The following HMGCLL1 variants were observed in gnomAD, a reference collection of about 807,000 sequenced individuals.
HMGCLL1 encodes 3-hydroxy-3-methylglutaryl-CoA lyase like 1, also known as 3-hydroxymethyl-3-methylglutaryl-CoA lyase, cytoplasmic.
A neutral mutation model predicts 39.1 loss-of-function variants in HMGCLL1; 36 were observed. That is an observed-to-expected ratio of 0.92 (90% CI 0.71 to 1.22). The LOEUF is 1.22. Among genes scored for constraint, HMGCLL1 ranks in the 50% most tolerant of loss-of-function variants. The pLI is 0.00. For missense variants in HMGCLL1, 451 were observed against 416.5 expected, an observed-to-expected ratio of 1.08 and a Z score of -0.72; for synonymous variants, 149 against 144.0, an observed-to-expected ratio of 1.03 and a Z score of -0.25.
the HMGCLL1 span, among the ~76,000 whole-genome samples, chr6:55,674,418 T>A: frequency 5.3e-5 from 8 of 150,034 alleles, no homozygotes; most frequent in South Asian, 6.3e-4. Flanking sequence ...GAAAAAAAAA[T>A]TTGAAAAATG....
chr6:55,629,212 G>A, the HMGCLL1 span, among the ~76,000 whole-genome samples: 14 of 152,138 alleles, frequency 9.2e-5, no homozygotes, highest in African/African-American at 3.4e-4. Flanking sequence ...AGGCAGAGGT[G>A]GTCTCAGATG....
chr6:55,553,247 A>ATGTGTGTGTGTG (rs1770461613), intron 1 of HMGCLL1, among the ~76,000 whole-genome samples: 2 of 50,034 alleles, frequency 4.0e-5, no homozygotes, highest in Admixed American at 2.4e-4. Context: ...TTACATATAT[A>ATGTGTGTGTGTG]CGTGTGTGTG....
At chr6:55,662,828 T>C in the HMGCLL1 span, among the ~76,000 whole-genome samples, 1 of 151,560 alleles carries the variant, frequency 6.6e-6, no homozygotes, top group African/African-American at 2.4e-5. Context: ...TTGTTGTTGT[T>C]GTTTTTGGTA....
At chr6:55,486,492 G>T (rs978661367) in intron 7 of HMGCLL1, among the ~76,000 whole-genome samples, 6 of 152,022 alleles carry the variant, frequency 3.9e-5, no homozygotes, top group Non-Finnish European at 8.8e-5. Context: ...ATTAAATATG[G>T]ATTATTATCA....
At chr6:55,482,073 AACTC>A (rs1765779555) in intron 7 of HMGCLL1, among the ~76,000 whole-genome samples, 2 of 152,232 alleles carry the variant, frequency 1.3e-5, no homozygotes, top group South Asian at 2.1e-4. Context: ...CACTTATATG[AACTC>A]ACTCACCTGG....
chr6:55,436,701 A>T, intron 8 of HMGCLL1, among the ~76,000 whole-genome samples: 1 of 152,042 alleles, frequency 6.6e-6, no homozygotes. Flanking sequence ...TCACTTTCAT[A>T]AAATAGACAA....
At chr6:55,484,653 C>A (rs1765919260) in intron 7 of HMGCLL1, among the ~76,000 whole-genome samples, 2 of 152,068 alleles carry the variant, frequency 1.3e-5, no homozygotes, top group African/African-American at 2.4e-5. Flanking sequence ...TGATCATTTT[C>A]TTTCCCTTTT....
intron 3 of HMGCLL1, among the ~76,000 whole-genome samples, chr6:55,525,173 A>G (rs1768253032): frequency 6.7e-6 from 1 of 150,074 alleles, no homozygotes; most frequent in East Asian, 2.0e-4. Context: ...ATGCTGGTCT[A>G]TGCGACACCC....
intron 7 of HMGCLL1, among the ~76,000 whole-genome samples, chr6:55,455,483 T>G (rs1289362672): frequency 2.0e-5 from 3 of 152,074 alleles, no homozygotes; most frequent in Non-Finnish European, 4.4e-5. Context: ...GTTAAATATA[T>G]AGAAGAAAAG....
the HMGCLL1 span, among the ~76,000 whole-genome samples, chr6:55,599,962 C>A: frequency 4.2e-4 from 64 of 152,248 alleles, no homozygotes; most frequent in East Asian, 0.012. Context: ...TCTCATTAAG[C>A]TCTCAATTAT....
At chr6:55,601,348 T>A in the HMGCLL1 span, among the ~76,000 whole-genome samples, 3 of 152,128 alleles carry the variant, frequency 2.0e-5, no homozygotes, top group Non-Finnish European at 2.9e-5. Flanking sequence ...TGACTGCAGG[T>A]ATGCAGGTGA....
At chr6:55,672,830 G>A in the HMGCLL1 span, among the ~76,000 whole-genome samples, 2 of 152,030 alleles carry the variant, frequency 1.3e-5, no homozygotes, top group African/African-American at 2.4e-5. Context: ...CATGTGTGAA[G>A]TAAAATGGTT....
At chr6:55,580,245 A>T (rs1314778735), upstream of HMGCLL1, among the ~76,000 whole-genome samples, 2 of 152,066 alleles carry the variant, frequency 1.3e-5, no homozygotes, top group African/African-American at 4.8e-5. Context: ...AGACTTCCAC[A>T]GGTAATAAAA....
the HMGCLL1 span, among the ~76,000 whole-genome samples, chr6:55,645,459 G>A: frequency 6.6e-6 from 1 of 151,896 alleles, no homozygotes; most frequent in African/African-American, 2.4e-5. Context: ...GTGAAAGTGG[G>A]CATCCTTGTC....
At chr6:55,563,802 G>C (rs1771081408) in intron 1 of HMGCLL1, 2 of 1,047,154 alleles carry the variant, frequency 1.9e-6, no homozygotes, top group African/African-American at 1.6e-5. Flanking sequence ...AAGTTGTTAG[G>C]CTTCTCCTAT....
In HMGCLL1 at chr6:55,439,555, C is replaced by A. The variant is rs895759849; in HGVS notation, c.800G>T (p.Gly267Val). The A allele has an allele frequency of 5.0e-6, 8 of 1,611,712 alleles. No individual in the cohort carries two copies. Among genetic ancestry groups the A allele is most frequent in the Non-Finnish European group, 6.8e-6 (8 of 1,178,588 alleles). ...LANILTALQM[G>V]INVVDSAVSG... is the part of the protein sequence containing the mutation. ...TACTGCGGAGTCCACCACATTAATT[C>A]CCATCTGGAAAACAAACCAAACCAC... The change falls in exon 8 of 9, where the codon GGA becomes GTA. Residue 267 changes from glycine to valine, a missense_variant. Coordinates refer to ENST00000274901, the MANE Select transcript of HMGCLL1 (RefSeq NM_001042406.2).
chr6:55,621,845 TG>T, the HMGCLL1 span, among the ~76,000 whole-genome samples: 1 of 152,112 alleles, frequency 6.6e-6, no homozygotes, highest in Non-Finnish European at 1.5e-5. Context: ...ATATACTAGC[TG>T]TCTGTCTGTT....
chr6:55,467,319 T>G (rs920573908), intron 7 of HMGCLL1, among the ~76,000 whole-genome samples: 13 of 152,110 alleles, frequency 8.5e-5, no homozygotes, highest in Admixed American at 3.9e-4. Context: ...ATGTGAATAT[T>G]TTCATGTTTT....
At chr6:55,465,808 T>C (rs1764775941) in intron 7 of HMGCLL1, among the ~76,000 whole-genome samples, 2 of 152,126 alleles carry the variant, frequency 1.3e-5, no homozygotes, top group Admixed American at 6.6e-5. Context: ...GGTAATGTAA[T>C]CATTCTTAAG....
Sources: allele counts gnomAD v4.1 joint callset (sites outside exome capture counted in the v4.1 genomes callset), GRCh38; gene constraint gnomAD v4.1.1; transcripts MANE v1.5; gene names NCBI Gene and HGNC (gene_info 2026-07-23, HGNC 2026-07-21).